Variants in CSMD1 observed in about 807,000 individuals in gnomAD.
The protein encoded by CSMD1 is CUB and sushi domain-containing protein 1.
In CSMD1, 213 loss-of-function variants were observed where a neutral mutation model predicts 417.5. The observed-to-expected ratio is 0.51, with a 90% CI of 0.46 to 0.57. The LOEUF (loss-of-function observed/expected upper bound fraction) is 0.57. Ranked by LOEUF, CSMD1 falls within the 20% of genes least tolerant of loss-of-function variation. CSMD1 has a pLI of 0.00. For synonymous variants in CSMD1, 2,862 were observed against 1,736.8 expected, an observed-to-expected ratio of 1.65 and a Z score of -16.11; for missense variants, 6,923 against 4,529.7, an observed-to-expected ratio of 1.53 and a Z score of -15.17.
At chr8:4,259,358 G>T (rs1803713734) in intron 3 of CSMD1, among the ~76,000 whole-genome samples, 2 of 152,128 alleles carry the variant, frequency 1.3e-5, no homozygotes, top group African/African-American at 4.8e-5. Context: ...AGGAAAGCGA[G>T]CGGATCTCAA....
chr8:3,981,934 G>A (rs55761503), intron 5 of CSMD1, among the ~76,000 whole-genome samples: 10,565 of 152,086 alleles, frequency 0.069, 490 homozygotes, highest in Middle Eastern at 0.11. Context: ...CACTTTGGGA[G>A]GCCGAGGCAG....
intron 1 of CSMD1, among the ~76,000 whole-genome samples, chr8:4,963,809 T>C (rs570039118): frequency 1.8e-4 from 28 of 152,314 alleles, no homozygotes; most frequent in South Asian, 1.7e-3. Flanking sequence ...AATAGAATTA[T>C]TGAAATTTTC....
intron 36 of CSMD1, among the ~76,000 whole-genome samples, chr8:3,187,298 G>C (rs1228511613): frequency 2.0e-5 from 3 of 152,194 alleles, no homozygotes; most frequent in Admixed American, 6.5e-5. Context: ...AATTGAGATT[G>C]AATGACGCTC....
intron 5 of CSMD1, among the ~76,000 whole-genome samples, chr8:3,767,958 C>G (rs980195881): frequency 6.6e-6 from 1 of 152,172 alleles, no homozygotes; most frequent in African/African-American, 2.4e-5. Flanking sequence ...CATTACACGT[C>G]ATGGGATGCT....
At chr8:3,134,652 C>G (rs1257733060) in intron 41 of CSMD1, among the ~76,000 whole-genome samples, 2 of 152,188 alleles carry the variant, frequency 1.3e-5, no homozygotes, top group Non-Finnish European at 2.9e-5. Flanking sequence ...TGTTAGTGCA[C>G]TGACTAAATC....
At chr8:3,628,418 G>C (rs972707911) in intron 7 of CSMD1, among the ~76,000 whole-genome samples, 1 of 152,126 alleles carries the variant, frequency 6.6e-6, no homozygotes, top group Non-Finnish European at 1.5e-5. Context: ...GCCCAAATAG[G>C]GCAAGGCTTC....
At chr8:4,062,791 G>C (rs1021921635) in intron 3 of CSMD1, among the ~76,000 whole-genome samples, 4 of 151,612 alleles carry the variant, frequency 2.6e-5, no homozygotes, top group Non-Finnish European at 5.9e-5. Flanking sequence ...TTCAAACCCA[G>C]TATCTGTCAG....
At chr8:3,369,996 G>C (rs1181807203) in intron 18 of CSMD1, among the ~76,000 whole-genome samples, 1 of 152,164 alleles carries the variant, frequency 6.6e-6, no homozygotes, top group African/African-American at 2.4e-5. Context: ...TCATGGATAG[G>C]TGTTTGCAAT....
intron 6 of CSMD1, among the ~76,000 whole-genome samples, chr8:3,734,542 C>A (rs1381590811): frequency 6.6e-6 from 1 of 152,154 alleles, no homozygotes; most frequent in South Asian, 2.1e-4. Flanking sequence ...GAAACCCTGT[C>A]TCTACTAAAA....
intron 3 of CSMD1, among the ~76,000 whole-genome samples, chr8:4,193,895 C>G (rs546614455): frequency 6.6e-6 from 1 of 151,700 alleles, no homozygotes; most frequent in Non-Finnish European, 1.5e-5. Flanking sequence ...GCCACCTCCA[C>G]GAAGGAAAGC....
At chr8:4,495,479 G>C (rs1204774581) in intron 2 of CSMD1, among the ~76,000 whole-genome samples, 2 of 152,120 alleles carry the variant, frequency 1.3e-5, no homozygotes, top group African/African-American at 4.8e-5. Context: ...GGAGGCTGAA[G>C]TAGGAGAATT....
intron 12 of CSMD1, among the ~76,000 whole-genome samples, chr8:3,442,189 A>G (rs1815028465): frequency 2.0e-5 from 3 of 151,106 alleles, no homozygotes; most frequent in Admixed American, 2.0e-4. Context: ...ACAATAAAAA[A>G]TTTTAAAAAA....
intron 5 of CSMD1, among the ~76,000 whole-genome samples, chr8:3,853,912 T>C (rs1804102013): frequency 6.8e-6 from 1 of 146,808 alleles, no homozygotes; most frequent in African/African-American, 2.5e-5. Context: ...TATTAATACA[T>C]TAAAGTATAA....
intron 1 of CSMD1, among the ~76,000 whole-genome samples, chr8:4,841,436 A>T (rs2118576): frequency 0.2 from 31,006 of 152,060 alleles, 3,669 homozygotes; most frequent in African/African-American, 0.33. Context: ...AATCCCTACC[A>T]CATGTTATGT....
chr8:3,305,367 T>G (rs1003399115), intron 25 of CSMD1, among the ~76,000 whole-genome samples: 3 of 152,192 alleles, frequency 2.0e-5, no homozygotes, highest in Non-Finnish European at 4.4e-5. Flanking sequence ...TTTTACTGTC[T>G]CCACCAAAAC....
chr8:3,084,474 G>C (rs1198401253), intron 49 of CSMD1, among the ~76,000 whole-genome samples: 3 of 130,738 alleles, frequency 2.3e-5, no homozygotes, highest in Non-Finnish European at 4.6e-5. Context: ...CGTGAGCCGA[G>C]ATCACATCCA....
At chr8:4,793,178 G>C (rs1797786005) in intron 1 of CSMD1, among the ~76,000 whole-genome samples, 2 of 152,010 alleles carry the variant, frequency 1.3e-5, no homozygotes, top group Non-Finnish European at 2.9e-5. Flanking sequence ...CTTGATCATG[G>C]AGTAATTATG....
At chr8:4,122,968 C>A (rs1245269100) in intron 3 of CSMD1, among the ~76,000 whole-genome samples, 1 of 152,176 alleles carries the variant, frequency 6.6e-6, no homozygotes. Flanking sequence ...GTGGCTAGAC[C>A]TACGGTGATA....
At chr8:3,103,113 T>C (rs1815878101) in intron 46 of CSMD1, among the ~76,000 whole-genome samples, 1 of 152,230 alleles carries the variant, frequency 6.6e-6, no homozygotes, top group South Asian at 2.1e-4. Context: ...GCTGTAGATT[T>C]TAAAAAGTTA....
Sources: allele counts gnomAD v4.1 joint callset (sites outside exome capture counted in the v4.1 genomes callset), GRCh38; gene constraint gnomAD v4.1.1; transcripts MANE v1.5; gene names NCBI Gene and HGNC (gene_info 2026-07-23, HGNC 2026-07-21).